HHAT: variants seen among roughly 807,000 people sequenced by gnomAD.
HHAT encodes the protein protein-cysteine N-palmitoyltransferase HHAT.
HHAT carries 47 observed loss-of-function variants against 70.8 expected under a neutral mutation model. The observed-to-expected ratio is 0.66, with a 90% CI of 0.53 to 0.85. The LOEUF (loss-of-function observed/expected upper bound fraction) is 0.85. HHAT is among the 40% of genes least tolerant of loss of function. The pLI, the probability that HHAT is intolerant of heterozygous loss-of-function variation, is 0.00. For synonymous variants in HHAT, 228 were observed against 247.6 expected (o/e 0.92, Z 0.74); for missense variants, 609 against 604.8 (o/e 1.01, Z -0.07).
intron 7 of HHAT, among the ~76,000 whole-genome samples, chr1:210,420,748 G>C (rs1310795561): frequency 6.6e-6 from 1 of 151,470 alleles, no homozygotes; most frequent in Non-Finnish European, 1.5e-5. Context: ...CTGTGTGTGT[G>C]TAAACTCTCA....
At chr1:210,625,980 A>G (rs74158948) in intron 11 of HHAT, among the ~76,000 whole-genome samples, 2,035 of 152,244 alleles carry the variant, frequency 0.013, 34 homozygotes, top group African/African-American at 0.046. Context: ...CCAGCTGTCT[A>G]TGGCACAGCA....
chr1:210,645,003 A>G (rs6683572), intron 11 of HHAT, among the ~76,000 whole-genome samples: 89,758 of 151,962 alleles, frequency 0.59, 27,675 homozygotes, highest in Non-Finnish European at 0.69. Context: ...TACTAATTGC[A>G]CTTGCCTGGG....
chr1:210,383,766 ACT>A (rs1158964069), intron 3 of HHAT, among the ~76,000 whole-genome samples: 1 of 151,554 alleles, frequency 6.6e-6, no homozygotes, highest in African/African-American at 2.4e-5. Flanking sequence ...TGAACTGAAA[ACT>A]CTCTAAAAGA....
In HHAT at chr1:210,329,112, A is replaced by G; in HGVS notation, c.-44+8A>G. On this transcript the variant is annotated splice_region_variant and intron_variant, in intron 1 of 11. Coordinates refer to ENST00000261458, the MANE Select transcript of HHAT (RefSeq NM_018194.6). ...GCCCGGGACAGCCCGGAGGTTGGTA[A>G]CTGGTGACCATAGGGGGTCCTGGGG... 2 of 1,378,528 alleles carry G rather than the reference A, an allele frequency of 1.5e-6. No homozygotes were observed. Among genetic ancestry groups the G allele is most frequent in the Non-Finnish European group, 1.9e-6 (2 of 1,064,936 alleles). 85.4% of individuals were successfully genotyped at this position (1,378,528 alleles called of 1,614,324 possible).
intron 7 of HHAT, among the ~76,000 whole-genome samples, chr1:210,454,223 T>A (rs899393080): frequency 6.6e-6 from 1 of 151,354 alleles, no homozygotes; most frequent in East Asian, 1.9e-4. Flanking sequence ...TGCCTGAAAA[T>A]GTGCTTTTTA....
At chr1:210,522,613 CTG>C (rs1283253857) in intron 9 of HHAT, among the ~76,000 whole-genome samples, 1 of 152,178 alleles carries the variant, frequency 6.6e-6, no homozygotes. Context: ...CCCTTCCTTT[CTG>C]TTTCTGGAGG....
intron 10 of HHAT, among the ~76,000 whole-genome samples, chr1:210,613,770 C>A (rs1667075618): frequency 2.0e-5 from 3 of 152,148 alleles, no homozygotes; most frequent in Admixed American, 2.0e-4. Context: ...ATAATTCCAG[C>A]ACTTTGTGAG....
intron 8 of HHAT, among the ~76,000 whole-genome samples, chr1:210,485,273 A>G (rs761088584): frequency 1.1e-4 from 16 of 152,180 alleles, no homozygotes; most frequent in Admixed American, 2.0e-4. Context: ...CTCCTAGGGT[A>G]TGCAGCACAC....
At chr1:210,436,602 T>A (rs2093381814) in intron 7 of HHAT, among the ~76,000 whole-genome samples, 1 of 151,798 alleles carries the variant, frequency 6.6e-6, no homozygotes, top group African/African-American at 2.4e-5. Context: ...CTTCGGTTAG[T>A]ACTTCTGCTG....
intron 10 of HHAT, among the ~76,000 whole-genome samples, chr1:210,614,440 C>A (rs914144017): frequency 6.6e-6 from 1 of 151,956 alleles, no homozygotes; most frequent in Non-Finnish European, 1.5e-5. Context: ...ACTTTACATT[C>A]TAGGATACAT....
intron 7 of HHAT, among the ~76,000 whole-genome samples, chr1:210,420,013 T>C (rs2092847585): frequency 6.6e-6 from 1 of 152,228 alleles, no homozygotes; most frequent in Admixed American, 6.5e-5. Flanking sequence ...TATGTGACTC[T>C]GATGTCACCA....
At chr1:210,383,118 T>A (rs2090775413) in intron 3 of HHAT, among the ~76,000 whole-genome samples, 1 of 152,142 alleles carries the variant, frequency 6.6e-6, no homozygotes, top group Non-Finnish European at 1.5e-5. Flanking sequence ...GGCTGGTGGA[T>A]CTCTTGAGGT....
chr1:210,592,539 T>C (rs1295643931), intron 10 of HHAT, among the ~76,000 whole-genome samples: 1 of 117,262 alleles, frequency 8.5e-6, no homozygotes, highest in Non-Finnish European at 2.0e-5. Context: ...CCATATAAGT[T>C]TTAGGATTTT....
At chr1:210,390,348 G>A (rs77299215) in intron 4 of HHAT, among the ~76,000 whole-genome samples, 4,325 of 152,200 alleles carry the variant, frequency 0.028, 85 homozygotes, top group Middle Eastern at 0.061. Flanking sequence ...TTTATTAATA[G>A]CAAAGAGCAT....
intron 9 of HHAT, among the ~76,000 whole-genome samples, chr1:210,543,282 T>G (rs1235488323): frequency 2.0e-5 from 3 of 152,186 alleles, no homozygotes; most frequent in Admixed American, 2.0e-4. Context: ...TGGTTTGGCA[T>G]GCTTTCTCTG....
At chr1:210,464,227 T>C (rs61061501) in intron 7 of HHAT, among the ~76,000 whole-genome samples, 29 of 152,302 alleles carry the variant, frequency 1.9e-4, no homozygotes, top group African/African-American at 7.0e-4. Context: ...TTTAATGCAA[T>C]GTACACATTT....
At chr1:210,419,141 CTCA>C (rs1468598358) in intron 7 of HHAT, among the ~76,000 whole-genome samples, 2 of 152,170 alleles carry the variant, frequency 1.3e-5, no homozygotes, top group Non-Finnish European at 2.9e-5. Flanking sequence ...TTCCAGCACC[CTCA>C]TCTGTAAAAT....
Position 210,328,931 on chromosome 1 carries a change from A to C in HHAT, c.-217A>C. On this transcript the variant is annotated 5_prime_UTR_variant, in exon 1 of 12. Coordinates refer to ENST00000261458, the MANE Select transcript of HHAT (RefSeq NM_018194.6). ...ACGGCGGCAGGGGCGTGCTCGGAGGACGCGCGCTGCGCTGCTCCTCCAAAG... is the reference window on the plus strand; with the variant it reads ...ACGGCGGCAGGGGCGTGCTCGGAGGCCGCGCGCTGCGCTGCTCCTCCAAAG... 22 of 1,029,700 alleles carry C rather than the reference A, an allele frequency of 2.1e-5. No homozygotes were observed. Among genetic ancestry groups the C allele is most frequent in the African/African-American group, 3.3e-5 (2 of 60,204 alleles). The allele number at this position is 1,029,700 out of a possible 1,614,324, so 63.8% of individuals were successfully genotyped here. A position where few individuals can be genotyped will look rare whatever the true frequency, so the allele number is the denominator to read the frequency against.
chr1:210,348,321 G>A (rs2086693941), intron 1 of HHAT, among the ~76,000 whole-genome samples: 2 of 152,088 alleles, frequency 1.3e-5, no homozygotes, highest in Non-Finnish European at 2.9e-5. Context: ...GGCTGGTCTC[G>A]AACTCCTGGC....
Sources: allele counts gnomAD v4.1 joint callset (sites outside exome capture counted in the v4.1 genomes callset), GRCh38; gene constraint gnomAD v4.1.1; transcripts MANE v1.5; gene names NCBI Gene and HGNC (gene_info 2026-07-23, HGNC 2026-07-21).